SYTL5: variants seen among roughly 807,000 people sequenced by gnomAD.
The protein encoded by SYTL5 is synaptotagmin-like protein 5.
A neutral mutation model predicts 55.9 loss-of-function variants in SYTL5; 34 were observed. The observed-to-expected ratio is 0.61, with a 90% confidence interval of 0.46 to 0.81. SYTL5 has a LOEUF of 0.81. Among genes scored for constraint, SYTL5 ranks in the 30% least tolerant of loss-of-function variants. SYTL5 has a pLI of 0.00. For missense variants in SYTL5, 637 were observed against 546.7 expected (o/e 1.17, Z -1.65); for synonymous variants, 221 against 188.7 (o/e 1.17, Z -1.40).
the SYTL5 span, among the ~76,000 whole-genome samples, chrX:37,966,724 C>T: frequency 8.1e-5 from 9 of 111,491 alleles, no homozygotes; most frequent in South Asian, 3.4e-3. Context: ...GCATGAGCCA[C>T]CGCGCCCAGC....
chrX:37,900,736 T>C, the SYTL5 span, among the ~76,000 whole-genome samples: 2 of 111,418 alleles, frequency 1.8e-5, no homozygotes, highest in African/African-American at 6.5e-5. Flanking sequence ...ATAATTCTGA[T>C]TGGTTCTGCT....
chrX:38,091,233 C>T (rs938236117), intron 7 of SYTL5, among the ~76,000 whole-genome samples: 1 of 111,364 alleles, frequency 9.0e-6, no homozygotes, highest in Non-Finnish European at 1.9e-5. Flanking sequence ...GTGGAGGTGG[C>T]GAGTAGTCAA....
the SYTL5 span, chrX:37,990,947 G>A: frequency 3.3e-6 from 4 of 1,211,954 alleles, no homozygotes; most frequent in East Asian, 8.9e-5. Flanking sequence ...ACCGCGTTGT[G>A]CAAGATGAAC....
At chrX:38,048,149 G>A (rs1935523833) in intron 2 of SYTL5, among the ~76,000 whole-genome samples, 1 of 109,671 alleles carries the variant, frequency 9.1e-6, no homozygotes, top group African/African-American at 3.3e-5. Flanking sequence ...TCACGCCACT[G>A]CACTCCAGCC....
In SYTL5 at chrX:38,126,578, G is replaced by T. The variant is rs750746773; in HGVS notation, c.2051-10G>T. 2.5e-6 allele frequency: 3 copies of T among 1,209,465 alleles called. No individual in the cohort carries two copies. Among genetic ancestry groups the T allele is most frequent in the Non-Finnish European group, 2.2e-6 (2 of 894,515 alleles). On this transcript the variant is annotated splice_polypyrimidine_tract_variant and intron_variant, in intron 16 of 16. Coordinates refer to ENST00000297875, the MANE Select transcript of SYTL5 (RefSeq NM_138780.3). ...GTGTGACATAAAATTTTCCCGTTTCGCCTCTTCAGGTGTGAGCCATGGGAA... is the reference window on the plus strand; with the variant it reads ...GTGTGACATAAAATTTTCCCGTTTCTCCTCTTCAGGTGTGAGCCATGGGAA...
rs1224197795 is a variant in SYTL5, at chrX:38,127,321, T to G, written c.*591T>G. On this transcript the variant is annotated 3_prime_UTR_variant, in exon 17 of 17. Coordinates refer to ENST00000297875, the MANE Select transcript of SYTL5 (RefSeq NM_138780.3). ...AATTTATCATCTAAATCAGTTTACT[T>G]TTTAGAACAAAGAGAGCTAAATAAC... The G allele has an allele frequency of 8.9e-6, 1 of 112,204 alleles. No homozygotes were observed. Among genetic ancestry groups the G allele is most frequent in the Admixed American group, 9.4e-5 (1 of 10,598 alleles). The allele number at this position is 112,204 out of a possible 1,213,427, so 9.2% of individuals were successfully genotyped here. A position where few individuals can be genotyped will look rare whatever the true frequency, so the allele number is the denominator to read the frequency against.
At chrX:38,125,225 A>G in intron 15 of SYTL5, 73 bp from the exon 16 acceptor site, 5 of 926,431 alleles carry the variant, frequency 5.4e-6, no homozygotes, top group Non-Finnish European at 7.6e-6. Flanking sequence ...AAATAGACAC[A>G]TCACACTTGT....
At chrX:38,055,109 C>G (rs1171437402) in intron 3 of SYTL5, among the ~76,000 whole-genome samples, 2 of 111,783 alleles carry the variant, frequency 1.8e-5, no homozygotes, top group Non-Finnish European at 3.8e-5. Flanking sequence ...AGATAATTTC[C>G]CTGAGACATT....
intron 10 of SYTL5, chrX:38,103,028 T>G: frequency 8.7e-7 from 1 of 1,151,807 alleles, no homozygotes. Context: ...CTCTAAAGAG[T>G]TCTCAAGCAG....
chrX:38,047,176 T>C (rs1935488213), intron 2 of SYTL5, among the ~76,000 whole-genome samples: 1 of 112,410 alleles, frequency 8.9e-6, no homozygotes, highest in African/African-American at 3.2e-5. Flanking sequence ...CTTCACTAGG[T>C]GGTGCCCCAG....
the SYTL5 span, among the ~76,000 whole-genome samples, chrX:37,901,471 C>T: frequency 3.2e-4 from 36 of 111,918 alleles, no homozygotes; most frequent in South Asian, 0.013. Flanking sequence ...ACTATCTAAC[C>T]GGAAAACACA....
At chrX:38,114,300 C>G (rs939058945) in intron 13 of SYTL5, among the ~76,000 whole-genome samples, 4 of 111,970 alleles carry the variant, frequency 3.6e-5, no homozygotes, top group African/African-American at 1.3e-4. Context: ...CATCATGTCT[C>G]CCATCCTTTA....
intron 9 of SYTL5, among the ~76,000 whole-genome samples, chrX:38,099,260 C>A (rs1001179043): frequency 7.2e-5 from 8 of 110,779 alleles, no homozygotes; most frequent in Non-Finnish European, 1.5e-4. Context: ...TTATGCTATG[C>A]TTTCTATTTT....
chrX:38,022,270 G>A (rs1358528349), intron 1 of SYTL5, among the ~76,000 whole-genome samples: 1 of 112,392 alleles, frequency 8.9e-6, no homozygotes, highest in African/African-American at 3.2e-5. Context: ...TACTGTAAGA[G>A]AAGTATGAAA....
At chrX:37,949,359 A>G in the SYTL5 span, 1 of 111,953 alleles carries the variant, frequency 8.9e-6, no homozygotes, top group African/African-American at 3.2e-5. Flanking sequence ...GAAAAAGCCT[A>G]TGTCCTTCAT....
At chrX:38,027,702 G>A (rs1489784537) in intron 1 of SYTL5, among the ~76,000 whole-genome samples, 2 of 111,694 alleles carry the variant, frequency 1.8e-5, no homozygotes, top group Admixed American at 1.9e-4. Context: ...TTTTCACATA[G>A]GCTTTTTAAA....
At chrX:38,068,208 A>C (rs1936154287) in intron 3 of SYTL5, among the ~76,000 whole-genome samples, 1 of 112,197 alleles carries the variant, frequency 8.9e-6, no homozygotes, top group Admixed American at 9.5e-5. Flanking sequence ...AGAAATGCAA[A>C]TCAGAAGCAC....
the SYTL5 span, among the ~76,000 whole-genome samples, chrX:37,897,952 A>G: frequency 2.7e-5 from 3 of 111,355 alleles, no homozygotes; most frequent in Admixed American, 9.5e-5. Context: ...CAAAAAATCA[A>G]CTGTGTGTGG....
chrX:38,054,101 C>T, intron 2 of SYTL5, 112 bp from the exon 3 acceptor site: 1 of 570,297 alleles, frequency 1.8e-6, no homozygotes, highest in Non-Finnish European at 2.8e-6. Flanking sequence ...CAGTTTAAAG[C>T]AGCCTTATTT....
Sources: allele counts gnomAD v4.1 joint callset (sites outside exome capture counted in the v4.1 genomes callset), GRCh38; gene constraint gnomAD v4.1.1; transcripts MANE v1.5; gene names NCBI Gene and HGNC (gene_info 2026-07-23, HGNC 2026-07-21).